Variants in ATP1B1 observed in about 807,000 individuals in gnomAD.
ATP1B1 encodes sodium/potassium-transporting ATPase subunit beta-1.
Under a neutral mutation model 39.6 loss-of-function variants are expected in ATP1B1, and 3 were observed. The observed-to-expected ratio is 0.08, with a 90% CI of 0.03 to 0.20. The LOEUF is 0.20. Ranked by LOEUF, ATP1B1 falls within the 10% of genes least tolerant of loss-of-function variation. The pLI, the probability that ATP1B1 is intolerant of heterozygous loss-of-function variation, is 1.00. For missense variants in ATP1B1, 216 were observed against 371.1 expected, an observed-to-expected ratio of 0.58 and a Z score of 3.43; for synonymous variants, 139 against 135.0, an observed-to-expected ratio of 1.03 and a Z score of -0.20.
chr1:169,112,542 A>C (rs1657749894), intron 2 of ATP1B1, among the ~76,000 whole-genome samples: 1 of 152,248 alleles, frequency 6.6e-6, no homozygotes, highest in African/African-American at 2.4e-5. Context: ...GACAATCTTC[A>C]GATGATCTAC....
chr1:169,123,589 A>C (rs77599204), intron 2 of ATP1B1, among the ~76,000 whole-genome samples: 9,228 of 148,492 alleles, frequency 0.062, 873 homozygotes, highest in East Asian at 0.51. Context: ...CTCTCTCTAT[A>C]TATATATATA....
Position 169,111,437 on chromosome 1 carries a change from A to T in ATP1B1, c.165A>T (p.Gln55His). The change falls in exon 2 of 6, where the codon CAA (glutamine) becomes CAT (histidine). Residue 55 changes from glutamine to histidine, a missense_variant. Transcript: ENST00000367815. Reference sequence around the variant, plus strand: ...CTGGCATCTTCATCGGAACCATCCAAGTGATGCTGCTCACCATCAGTGAAT... The same window carrying T: ...CTGGCATCTTCATCGGAACCATCCATGTGATGCTGCTCACCATCAGTGAAT... ...CLAGIFIGTI[Q>H]VMLLTISEFK... 6.2e-7 allele frequency: 1 copy of T among 1,614,216 alleles called. No individual in the cohort carries two copies.
At chr1:169,119,129 G>A (rs984347277) in intron 2 of ATP1B1, among the ~76,000 whole-genome samples, 8 of 152,292 alleles carry the variant, frequency 5.3e-5, no homozygotes, top group Admixed American at 5.2e-4. Flanking sequence ...CTCAAGAGAT[G>A]GGGACCAAAG....
At chr1:169,124,856 CTAATGT>C (rs777001068) in intron 2 of ATP1B1, 22 bp from the exon 3 acceptor site, 6 of 1,604,238 alleles carry the variant, frequency 3.7e-6, no homozygotes, top group Non-Finnish European at 4.3e-6. Context: ...TGCCTTCCTA[CTAATGT>C]TTTTCTCTCT....
At chr1:169,117,192 T>C (rs576042697) in intron 2 of ATP1B1, among the ~76,000 whole-genome samples, 16 of 152,336 alleles carry the variant, frequency 1.1e-4, no homozygotes, top group Non-Finnish European at 1.8e-4. Flanking sequence ...GTCTCTCACT[T>C]TCCCTCTCCT....
chr1:169,124,929 G>A lies in ATP1B1; in HGVS notation c.272G>A (p.Arg91His). The part of the protein sequence containing the change: ...PQIQKTEISF[R>H]PNDPKSYEAY... ...ATCCAGAAGACTGAAATTTCCTTTC[G>A]TCCTAATGATCCCAAGAGCTATGAG... The change falls in exon 3 of 6, where the codon CGT becomes CAT. Residue 91 changes from arginine to histidine, a missense_variant. Physicochemically the swap from Arg to His is conservative, Grantham distance 29. Transcript: ENST00000367815. The A allele has an allele frequency of 7.4e-6, 12 of 1,613,846 alleles. No homozygotes were observed. Among genetic ancestry groups the A allele is most frequent in the African/African-American group, 1.3e-5 (1 of 74,968 alleles).
At position 169,106,772 on chromosome 1, in the gene ATP1B1, G is replaced by C. The variant is rs942531972; in HGVS notation, c.-58G>C. ...AGCCGAGCGGCGCAGAGGACGCCAGGGCGCGCGCCGCAGCCACCCACCCTC... is the reference window on the plus strand; with the variant it reads ...AGCCGAGCGGCGCAGAGGACGCCAGCGCGCGCGCCGCAGCCACCCACCCTC... On this transcript the variant is annotated 5_prime_UTR_variant, in exon 1 of 6. Coordinates refer to ENST00000367815, the MANE Select transcript of ATP1B1 (RefSeq NM_001677.4). The C allele has an allele frequency of 7.6e-6, 11 of 1,440,736 alleles. No individual in the cohort carries two copies. In the African/African-American group the frequency reaches 1.3e-4, roughly 17 times the overall value. 89.2% of individuals were successfully genotyped at this position (1,440,736 alleles called of 1,614,324 possible). A position where few individuals can be genotyped will look rare whatever the true frequency, so the allele number is the denominator to read the frequency against.
chr1:169,107,272 C>T (rs1238633510), intron 1 of ATP1B1, among the ~76,000 whole-genome samples: 2 of 151,022 alleles, frequency 1.3e-5, no homozygotes. Context: ...TTGTCTCTCC[C>T]GTGTCCTGAG....
Position 169,110,604 on chromosome 1 carries a change from A to T in ATP1B1, c.98-766A>T, listed in dbSNP as rs1367650825. 1.5e-5 allele frequency: 15 copies of T among 1,014,928 alleles called. No individual in the cohort carries two copies. The Admixed American group carries it at 6.1e-4, about 41-fold the overall frequency. 62.9% of individuals were successfully genotyped at this position (1,014,928 alleles called of 1,614,324 possible). A position where few individuals can be genotyped will look rare whatever the true frequency, so the allele number is the denominator to read the frequency against. ...TTTTTTTTGCTTTTGCAGCTATTTC[A>T]GCCTCCATCCTGTTGTCTTGTTAAC... On this transcript the variant is annotated intron_variant, in intron 1 of 5. Transcript: ENST00000367815.
In ATP1B1 at chr1:169,131,646, C is replaced by A; in HGVS notation, c.*91C>A. Reference sequence around the variant, plus strand: ...TACTAGTCTTGAACAAACTGTCATACGTATGGGACCTACACTTAATCTATA... The same window carrying A: ...TACTAGTCTTGAACAAACTGTCATAAGTATGGGACCTACACTTAATCTATA... On this transcript the variant is annotated 3_prime_UTR_variant, in exon 6 of 6. Transcript: ENST00000367815. This position sits in a 1 kb window ranked among gnomAD's most constrained non-coding sequence, Gnocchi z 4.4. 2 of 1,390,756 alleles carry A rather than the reference C, an allele frequency of 1.4e-6. No homozygotes were observed. Among genetic ancestry groups the A allele is most frequent in the Non-Finnish European group, 2.0e-6 (2 of 1,025,058 alleles). 86.2% of individuals were successfully genotyped at this position (1,390,756 alleles called of 1,614,324 possible). A position where few individuals can be genotyped will look rare whatever the true frequency, so the allele number is the denominator to read the frequency against.
chr1:169,132,522 CAA>C lies in ATP1B1; in HGVS notation c.*969_*970del, dbSNP rs1571231197. On this transcript the variant is annotated 3_prime_UTR_variant, in exon 6 of 6. Transcript: ENST00000367815. ...AAAAAGTGTAATGTATGAAATAAAC[CAA>C]AGTCACTTGTTTGAAAATAAATCTT... The C allele has an allele frequency of 4.6e-6, 2 of 432,412 alleles. No homozygotes were observed. The highest frequency in any genetic ancestry group is 7.0e-5 in the East Asian group (2 of 28,604). 26.8% of individuals were successfully genotyped at this position (432,412 alleles called of 1,614,324 possible). A position where few individuals can be genotyped will look rare whatever the true frequency, so the allele number is the denominator to read the frequency against.
intron 2 of ATP1B1, among the ~76,000 whole-genome samples, chr1:169,119,433 C>G (rs965819095): frequency 1.3e-5 from 2 of 152,264 alleles, no homozygotes; most frequent in South Asian, 4.1e-4. Flanking sequence ...CTTGAAATTG[C>G]GTGCCAGCGA....
chr1:169,118,247 T>C (rs1657894404), intron 2 of ATP1B1, among the ~76,000 whole-genome samples: 2 of 152,192 alleles, frequency 1.3e-5, no homozygotes, highest in South Asian at 2.1e-4. Context: ...GTTCACGGCA[T>C]TTAGCTTAGA....
intron 2 of ATP1B1, among the ~76,000 whole-genome samples, chr1:169,122,385 T>G (rs1305280245): frequency 2.6e-5 from 4 of 152,210 alleles, no homozygotes; most frequent in African/African-American, 9.7e-5. Flanking sequence ...CCCATTTCAC[T>G]GGGTAACTCT....
intron 4 of ATP1B1, among the ~76,000 whole-genome samples, chr1:169,128,480 G>A (rs190417013): frequency 6.6e-6 from 1 of 152,318 alleles, no homozygotes; most frequent in African/African-American, 2.4e-5. Context: ...GCAAAAATGA[G>A]TAGGTGGGGA....
At chr1:169,111,049 A>AT (rs1344663452) in intron 1 of ATP1B1, among the ~76,000 whole-genome samples, 2 of 152,076 alleles carry the variant, frequency 1.3e-5, no homozygotes, top group Admixed American at 6.5e-5. Flanking sequence ...GATCTTCATG[A>AT]TTTTTTTTAT....
chr1:169,110,758 G>C, intron 1 of ATP1B1: 1 of 1,077,434 alleles, frequency 9.3e-7, no homozygotes, highest in Non-Finnish European at 1.2e-6. Context: ...CTTGTCCTCC[G>C]AGGGGAAAGA....
In ATP1B1 at chr1:169,127,362, C is replaced by T. The variant is rs754593629; in HGVS notation, c.521C>T (p.Pro174Leu). ...DETYGYKEGK[P>L]CIIIKLNRVL... ...ACTTATGGCTACAAAGAGGGCAAAC[C>T]GTGCATTATTATAAAGCTCAACCGA... The change falls in exon 4 of 6, where the codon CCG (proline) becomes CTG (leucine). Residue 174 changes from proline (P) to leucine (L), a missense_variant. Pro to Leu is a moderately conservative substitution (Grantham distance 98, BLOSUM62 -3). Coordinates refer to ENST00000367815, the MANE Select transcript of ATP1B1 (RefSeq NM_001677.4). The T allele has an allele frequency of 1.2e-6, 2 of 1,611,480 alleles. No individual in the cohort carries two copies. The highest frequency in any genetic ancestry group is 1.3e-5 in the African/African-American group (1 of 74,718).
At chr1:169,110,903 A>G (rs1657715261) in intron 1 of ATP1B1, among the ~76,000 whole-genome samples, 1 of 152,146 alleles carries the variant, frequency 6.6e-6, no homozygotes, top group African/African-American at 2.4e-5. Context: ...ATTTGGAGAA[A>G]CAGCAGAGCT....
Sources: allele counts gnomAD v4.1 joint callset (sites outside exome capture counted in the v4.1 genomes callset), GRCh38; gene constraint gnomAD v4.1.1; non-coding constraint Gnocchi (gnomAD v3.1); transcripts MANE v1.5; gene names NCBI Gene and HGNC (gene_info 2026-07-23, HGNC 2026-07-21).